Variants in NOTCH2 observed in about 807,000 individuals in gnomAD.
The protein encoded by NOTCH2 is neurogenic locus notch homolog protein 2.
Under a neutral mutation model 235.8 loss-of-function variants are expected in NOTCH2, and 29 were observed. That is an observed-to-expected ratio of 0.12 (90% CI 0.09 to 0.17). The LOEUF is 0.17. Among genes scored for constraint, NOTCH2 ranks in the 10% least tolerant of loss-of-function variants. The pLI is 1.00. For missense variants in NOTCH2, 2,285 were observed against 3,150.2 expected, an observed-to-expected ratio of 0.73 and a Z score of 6.57; for synonymous variants, 1,086 against 1,141.5, an observed-to-expected ratio of 0.95 and a Z score of 0.98.
At chr1:120,000,208 A>G (rs2101224201) in intron 3 of NOTCH2, among the ~76,000 whole-genome samples, 1 of 152,048 alleles carries the variant, frequency 6.6e-6, no homozygotes, top group East Asian at 1.9e-4. Context: ...GATGATTCCT[A>G]AAGTGATAGA....
chr1:119,955,043 C>G lies in NOTCH2; in HGVS notation c.2216G>C (p.Ser739Thr). 1.2e-6 allele frequency: 2 copies of G among 1,613,714 alleles called. No individual in the cohort carries two copies. Among genetic ancestry groups the G allele is most frequent in the Non-Finnish European group, 1.7e-6 (2 of 1,179,914 alleles). ...ATCACATGGGGCAGCTACTCACCCA[C>G]TGAGACCTCCAGTACAGTTTCCATG... The part of the protein sequence containing the change: ...CIHGNCTGGL[S>T]GYKCLCDAGW... Residue 739 changes from serine to threonine, a missense_variant, in exon 13 of 34, where the codon AGT (serine) becomes ACT (threonine). Physicochemically the swap from Ser to Thr is moderately conservative, Grantham distance 58. Transcript: ENST00000256646.
intron 15 of NOTCH2, chr1:119,950,261 A>G: frequency 2.8e-6 from 1 of 356,098 alleles, no homozygotes; most frequent in Non-Finnish European, 5.5e-6. Flanking sequence ...CCTTTGCCTC[A>G]GCCTCCTCAT....
At chr1:119,917,570 C>T (rs1336269900) in intron 33 of NOTCH2, 95 bp downstream of exon 33, 3 of 868,624 alleles carry the variant, frequency 3.5e-6, no homozygotes, top group Admixed American at 1.7e-5. Context: ...TTTGTCTATA[C>T]ATATAACAAG....
chr1:119,974,284 A>G (rs587639131), intron 5 of NOTCH2, among the ~76,000 whole-genome samples: 7 of 152,344 alleles, frequency 4.6e-5, no homozygotes, highest in African/African-American at 1.7e-4. Context: ...TTCAAGAGCA[A>G]TAATTATCCC....
At position 119,974,820 on chromosome 1, in the gene NOTCH2, C is replaced by T. The variant is rs587621888; in HGVS notation, c.875-5076G>A. Among the ~76,000 whole-genome samples the T allele has an allele frequency of 1.1e-3, 174 of 152,328 alleles. 1 individual carries two copies. The highest frequency in any genetic ancestry group is 0.011 in the South Asian group (53 of 4,830). On this transcript the variant is annotated intron_variant, in intron 5 of 33. Transcript: ENST00000256646. ...ATTCAATCCATCCTGGAATGTATCA[C>T]GAGCTGTGATTTCATATTTATTTAC...
At chr1:119,997,423 G>C in intron 3 of NOTCH2, 91 bp from the exon 4 acceptor site, 1 of 1,183,286 alleles carries the variant, frequency 8.5e-7, no homozygotes, top group South Asian at 1.2e-5. Flanking sequence ...GAGCTCTTGC[G>C]TGGAGAAGAC....
intron 19 of NOTCH2, among the ~76,000 whole-genome samples, chr1:119,940,113 G>T (rs587763616): frequency 5.3e-5 from 8 of 152,280 alleles, no homozygotes; most frequent in African/African-American, 1.7e-4. Flanking sequence ...GAACTTAAAA[G>T]ATATGTAAAT....
rs1174057895 is a variant in NOTCH2, at chr1:120,040,910, G to A, written c.74-10923C>T. ...AAAAAAATTAGCTGGGCATGGTGGC[G>A]GGTGCCTGTAGTCCCAGCTACTAGG... On this transcript the variant is annotated intron_variant, in intron 1 of 33. Transcript: ENST00000256646. Among the ~76,000 whole-genome samples the A allele has an allele frequency of 5.4e-5, 8 of 149,420 alleles. No individual in the cohort carries two copies. The East Asian group carries it at 7.8e-4, about 15-fold the overall frequency.
intron 4 of NOTCH2, among the ~76,000 whole-genome samples, chr1:119,987,721 G>A (rs1438051384): frequency 3.9e-5 from 6 of 152,082 alleles, no homozygotes; most frequent in Non-Finnish European, 7.4e-5. Flanking sequence ...AATTATAAGT[G>A]CCACATCATG....
intron 5 of NOTCH2, among the ~76,000 whole-genome samples, chr1:119,972,580 A>G (rs1219704405): frequency 2.0e-5 from 3 of 152,222 alleles, no homozygotes; most frequent in African/African-American, 7.2e-5. Flanking sequence ...ACAGACACTG[A>G]AATAATGTAG....
chr1:119,921,921 G>T, intron 28 of NOTCH2, 112 bp from the exon 29 acceptor site: 1 of 940,524 alleles, frequency 1.1e-6, no homozygotes, highest in Non-Finnish European at 1.7e-6. Flanking sequence ...ATTTTGCAGG[G>T]TCTTGGCCCA....
At chr1:119,986,022 TAA>T (rs1553202188) in intron 5 of NOTCH2, among the ~76,000 whole-genome samples, 1 of 152,198 alleles carries the variant, frequency 6.6e-6, no homozygotes, top group Non-Finnish European at 1.5e-5. Context: ...TCTACAGCTC[TAA>T]AGAGTATTGT....
rs377566312 is a variant in NOTCH2 at position 119,963,686 on chromosome 1, G to A, written c.1803C>T (p.Gly601=). ...CATCAATCTGGTCACTGCAGATGGC[G>A]CCCATGTACCCGGGATTGCAGATGC... ...YTCICNPGYM[G]AICSDQIDEC... The change falls in exon 11 of 34, where the codon GGC becomes GGT. Residue 601 remains glycine, a synonymous_variant. Coordinates refer to ENST00000256646, the MANE Select transcript of NOTCH2 (RefSeq NM_024408.4). The A allele has an allele frequency of 4.6e-5, 74 of 1,614,122 alleles. No homozygotes were observed. The highest frequency in any genetic ancestry group is 1.7e-4 in the Admixed American group (10 of 60,006).
chr1:120,029,477 A>G (rs1210884768), intron 2 of NOTCH2, among the ~76,000 whole-genome samples: 1 of 150,992 alleles, frequency 6.6e-6, no homozygotes, highest in Non-Finnish European at 1.5e-5. Flanking sequence ...CAGCCTCCCG[A>G]GTAGCTGGGA....
Position 119,915,202 on chromosome 1 carries a change from G to T in NOTCH2, c.*104C>A. 2 of 1,196,448 alleles carry T rather than the reference G, an allele frequency of 1.7e-6. No homozygotes were observed. Among genetic ancestry groups the T allele is most frequent in the Non-Finnish European group, 2.5e-6 (2 of 812,512 alleles). The allele number at this position is 1,196,448 out of a possible 1,614,324, so 74.1% of individuals were successfully genotyped here. A position where few individuals can be genotyped will look rare whatever the true frequency, so the allele number is the denominator to read the frequency against. ...CATCTTCTCTTTCCTACCTCTAGAA[G>T]CTGGCTCCAGAGATTTCTTCATTTC... On this transcript the variant is annotated 3_prime_UTR_variant, in exon 34 of 34. Coordinates refer to ENST00000256646, the MANE Select transcript of NOTCH2 (RefSeq NM_024408.4).
Position 119,922,265 on chromosome 1 carries a change from C to T in NOTCH2, c.5184G>A (p.Glu1728=), listed in dbSNP as rs2101154191. Residue 1728 remains glutamate (E), a synonymous_variant, in exon 28 of 34, where the codon GAG becomes GAA. Transcript: ENST00000256646. ...GCCCCACAGCATCCTGTCCCACTGG[C>T]TCACGACGCTTGTGATTGCTTGCAT... ...RRDASNHKRR[E]PVGQDAVGLK... is the part of the protein sequence containing the mutation. The T allele has an allele frequency of 6.2e-7, 1 of 1,614,088 alleles. No homozygotes were observed. Among genetic ancestry groups the T allele is most frequent in the Non-Finnish European group, 8.5e-7 (1 of 1,179,970 alleles).
intron 5 of NOTCH2, among the ~76,000 whole-genome samples, chr1:119,983,549 GCCACC>G (rs1359217224): frequency 7.9e-5 from 12 of 152,118 alleles, no homozygotes; most frequent in Non-Finnish European, 1.8e-4. Flanking sequence ...GAAACCAGGG[GCCACC>G]ATATAGAATA....
chr1:119,969,452 A>C (rs1651276792), intron 6 of NOTCH2, 59 bp downstream of exon 6: 9 of 1,374,476 alleles, frequency 6.5e-6, no homozygotes, highest in Non-Finnish European at 1.0e-6. Context: ...AAGAGAAGGC[A>C]GAGTCCTGAA....
chr1:119,996,369 A>G, intron 4 of NOTCH2: 2 of 451,666 alleles, frequency 4.4e-6, no homozygotes, highest in South Asian at 4.4e-5. Context: ...ATCATCTATC[A>G]GCTCATCAAA....
Sources: allele counts gnomAD v4.1 joint callset (sites outside exome capture counted in the v4.1 genomes callset), GRCh38; gene constraint gnomAD v4.1.1; transcripts MANE v1.5; gene names NCBI Gene and HGNC (gene_info 2026-07-23, HGNC 2026-07-21).